TSPAN31: variants seen among roughly 807,000 people sequenced by gnomAD.
TSPAN31 encodes tetraspanin 31.
A neutral mutation model predicts 24.8 loss-of-function variants in TSPAN31; 16 were observed. That is an observed-to-expected ratio of 0.64 (90% CI 0.44 to 0.98). TSPAN31 has a LOEUF of 0.98. TSPAN31 is among the 50% of genes least tolerant of loss of function. TSPAN31 has a pLI of 0.00. For synonymous variants in TSPAN31, 87 were observed against 91.4 expected (o/e 0.95, Z 0.27); for missense variants, 209 against 251.6 (o/e 0.83, Z 1.15).
In TSPAN31 at chr12:57,747,472, A is replaced by G. The variant is rs1388943435; in HGVS notation, c.*182A>G. On this transcript the variant is annotated 3_prime_UTR_variant, in exon 6 of 6. Transcript: ENST00000257910. ...GACATATTTTAGTGGGAGCCAGACT[A>G]TAAGGAATAAAAGGAAAAACTTTCT... The G allele has an allele frequency of 5.1e-6, 3 of 590,716 alleles. No individual in the cohort carries two copies. Among genetic ancestry groups the G allele is most frequent in the African/African-American group, 1.9e-5 (1 of 53,842 alleles). 36.6% of individuals were successfully genotyped at this position (590,716 alleles called of 1,614,324 possible).
chr12:57,748,625 G>T lies in TSPAN31; in HGVS notation c.*1335G>T, dbSNP rs2140381332. The T allele has an allele frequency of 6.9e-6, 11 of 1,601,904 alleles. No homozygotes were observed. Among genetic ancestry groups the T allele is most frequent in the Non-Finnish European group, 9.4e-6 (11 of 1,168,972 alleles). ...GTTAAAAGTCAGCATTTCCTGAGGGGAGAGGCAAAGGTCAGAAAACCATGA... is the reference window on the plus strand; with the variant it reads ...GTTAAAAGTCAGCATTTCCTGAGGGTAGAGGCAAAGGTCAGAAAACCATGA... On this transcript the variant is annotated 3_prime_UTR_variant, in exon 6 of 6. Coordinates refer to ENST00000257910, the MANE Select transcript of TSPAN31 (RefSeq NM_005981.5).
Position 57,749,055 on chromosome 12 carries a change from G to A in TSPAN31, c.*1765G>A. 1 of 1,213,210 alleles carries A rather than the reference G, an allele frequency of 8.2e-7. No homozygotes were observed. The allele number at this position is 1,213,210 out of a possible 1,614,324, so 75.2% of individuals were successfully genotyped here. ...TCTCTGTGGGTGGCTATTTGCAGCT[G>A]TAATAAAAACTACAGCCCATCTACC... On this transcript the variant is annotated 3_prime_UTR_variant, in exon 6 of 6. Coordinates refer to ENST00000257910, the MANE Select transcript of TSPAN31 (RefSeq NM_005981.5).
At chr12:57,746,401 G>A (rs1352313906) in intron 3 of TSPAN31, 145 bp downstream of exon 3, 14 of 1,122,824 alleles carry the variant, frequency 1.2e-5, no homozygotes, top group Non-Finnish European at 1.9e-5. Flanking sequence ...GCTTCCTCTG[G>A]GATGTCTGGT....
Position 57,745,741 on chromosome 12 carries a change from G to A in TSPAN31, c.64-4G>A, listed in dbSNP as rs1282741793. 1.8e-5 allele frequency: 29 copies of A among 1,613,930 alleles called. No individual in the cohort carries two copies. The highest frequency in any genetic ancestry group is 1.7e-4 in the Middle Eastern group (1 of 6,048). Reference sequence around the variant, plus strand: ...TTGAGATGTATCCTGCTCTTTCTTCGTAGCTGGTGAGCTTGTTGCTCATTG... The same window carrying A: ...TTGAGATGTATCCTGCTCTTTCTTCATAGCTGGTGAGCTTGTTGCTCATTG... On this transcript the variant is annotated splice_region_variant and splice_polypyrimidine_tract_variant and intron_variant, in intron 1 of 5. Transcript: ENST00000257910.
chr12:57,745,212 T>C lies in TSPAN31; in HGVS notation c.58T>C (p.Tyr20His), dbSNP rs778756298. The C allele has an allele frequency of 1.6e-5, 25 of 1,609,886 alleles. 1 individual carries two copies. Among genetic ancestry groups the C allele is most frequent in the Non-Finnish European group, 1.6e-5 (19 of 1,178,152 alleles). The change falls in exon 1 of 6, where the codon TAC (tyrosine) becomes CAC (histidine). Residue 20 changes from tyrosine to histidine, a missense_variant. Coordinates refer to ENST00000257910, the MANE Select transcript of TSPAN31 (RefSeq NM_005981.5). ...TGCGCTTTGCGCTCTCAACGTGGTC[T>C]ACATGGTGAGGTTTTGGAGGTGGGG... ...KNALCALNVV[Y>H]MLVSLLLIGV...
Position 57,749,712 on chromosome 12 carries a change from A to G in TSPAN31, c.*2422A>G, listed in dbSNP as rs1955209990. 2 of 615,648 alleles carry G rather than the reference A, an allele frequency of 3.2e-6. No homozygotes were observed. The highest frequency in any genetic ancestry group is 3.9e-5 in the South Asian group (2 of 51,650). The allele number at this position is 615,648 out of a possible 1,614,324, so 38.1% of individuals were successfully genotyped here. A position where few individuals can be genotyped will look rare whatever the true frequency, so the allele number is the denominator to read the frequency against. Reference sequence around the variant, plus strand: ...ACCTTGTCTCTTTTTTTAAAAAAAAAGAAATGCCAGGTGCAGCGGCTCACG... The same window carrying G: ...ACCTTGTCTCTTTTTTTAAAAAAAAGGAAATGCCAGGTGCAGCGGCTCACG... On this transcript the variant is annotated 3_prime_UTR_variant, in exon 6 of 6. Coordinates refer to ENST00000257910, the MANE Select transcript of TSPAN31 (RefSeq NM_005981.5).
At chr12:57,746,844 G>T in intron 4 of TSPAN31, 124 bp downstream of exon 4, 1 of 1,475,956 alleles carries the variant, frequency 6.8e-7, no homozygotes, top group African/African-American at 1.4e-5. Context: ...CTTGTATTGG[G>T]GCTGTGTTGG....
chr12:57,746,356 C>CT, intron 3 of TSPAN31, 100 bp downstream of exon 3: 1 of 1,219,856 alleles, frequency 8.2e-7, no homozygotes, highest in South Asian at 1.2e-5. Context: ...AAAGATCATC[C>CT]TTAGGTGCAC....
chr12:57,748,279 C>T lies in TSPAN31; in HGVS notation c.*989C>T, dbSNP rs763088789. ...TTGTTTTTCCTGTATAAAAAAGGAC[C>T]CCAAATATAAAGGTAGGGAAAGGGA... On this transcript the variant is annotated 3_prime_UTR_variant, in exon 6 of 6. Coordinates refer to ENST00000257910, the MANE Select transcript of TSPAN31 (RefSeq NM_005981.5). 4.6e-6 allele frequency: 2 copies of T among 433,886 alleles called. No individual in the cohort carries two copies. Among genetic ancestry groups the T allele is most frequent in the East Asian group, 3.7e-5 (1 of 27,154 alleles). 26.9% of individuals were successfully genotyped at this position (433,886 alleles called of 1,614,324 possible). A position where few individuals can be genotyped will look rare whatever the true frequency, so the allele number is the denominator to read the frequency against.
At chr12:57,746,340 C>G in intron 3 of TSPAN31, 84 bp downstream of exon 3, 2 of 1,342,914 alleles carry the variant, frequency 1.5e-6, no homozygotes, top group Non-Finnish European at 2.1e-6. Flanking sequence ...CTGGCCCCAA[C>G]TACCCAAAGA....
chr12:57,749,466 C>T lies in TSPAN31; in HGVS notation c.*2176C>T, dbSNP rs1257383551. 1 of 1,614,132 alleles carries T rather than the reference C, an allele frequency of 6.2e-7. No homozygotes were observed. Among genetic ancestry groups the T allele is most frequent in the Non-Finnish European group, 8.5e-7 (1 of 1,179,988 alleles). The stretch of plus-strand genomic sequence containing the variant: ...GTTGGTCACTTACTCAAAGATTTTG[C>T]CCAACTGGTCGGCTTCAGAGTTTCC... On this transcript the variant is annotated 3_prime_UTR_variant, in exon 6 of 6. Coordinates refer to ENST00000257910, the MANE Select transcript of TSPAN31 (RefSeq NM_005981.5).
In TSPAN31 at chr12:57,749,794, C is replaced by T; in HGVS notation, c.*2504C>T. 1.7e-5 allele frequency: 8 copies of T among 469,530 alleles called. No individual in the cohort carries two copies. Among genetic ancestry groups the T allele is most frequent in the East Asian group, 8.0e-5 (2 of 25,090 alleles). 29.1% of individuals were successfully genotyped at this position (469,530 alleles called of 1,614,324 possible). On this transcript the variant is annotated 3_prime_UTR_variant, in exon 6 of 6. Coordinates refer to ENST00000257910, the MANE Select transcript of TSPAN31 (RefSeq NM_005981.5). Reference sequence around the variant, plus strand: ...TGGGTGGATCATGAGGTCAAGAGATCGAGACCATCCTGGCCAACATGGTGA... The same window carrying T: ...TGGGTGGATCATGAGGTCAAGAGATTGAGACCATCCTGGCCAACATGGTGA...
At chr12:57,746,878 C>A in intron 4 of TSPAN31, 140 bp from the exon 5 acceptor site, 2 of 1,337,684 alleles carry the variant, frequency 1.5e-6, no homozygotes, top group Non-Finnish European at 2.1e-6. Context: ...TGGATAGAGG[C>A]TGGGGAATTA....
intron 4 of TSPAN31, 123 bp from the exon 5 acceptor site, chr12:57,746,895 T>A: frequency 7.5e-7 from 1 of 1,337,770 alleles, no homozygotes; most frequent in Non-Finnish European, 1.0e-6. Context: ...ATTAGCCAAG[T>A]AGGATTTTAG....
chr12:57,749,708 A>G lies in TSPAN31; in HGVS notation c.*2418A>G, dbSNP rs1955209910. 1 of 624,268 alleles carries G rather than the reference A, an allele frequency of 1.6e-6. No homozygotes were observed. The allele number at this position is 624,268 out of a possible 1,614,324, so 38.7% of individuals were successfully genotyped here. On this transcript the variant is annotated 3_prime_UTR_variant, in exon 6 of 6. Transcript: ENST00000257910. ...CAAGACCTTGTCTCTTTTTTTAAAAAAAAAGAAATGCCAGGTGCAGCGGCT... is the reference window on the plus strand; with the variant it reads ...CAAGACCTTGTCTCTTTTTTTAAAAGAAAAGAAATGCCAGGTGCAGCGGCT...
Position 57,749,490 on chromosome 12 carries a change from C to T in TSPAN31, c.*2200C>T, listed in dbSNP as rs1955206366. 6.2e-7 allele frequency: 1 copy of T among 1,614,152 alleles called. No homozygotes were observed. Among genetic ancestry groups the T allele is most frequent in the Non-Finnish European group, 8.5e-7 (1 of 1,179,978 alleles). ...GCCCAACTGGTCGGCTTCAGAGTTT[C>T]CACAGAAGAGAGGCCTAAGGTGAGA... On this transcript the variant is annotated 3_prime_UTR_variant, in exon 6 of 6. Transcript: ENST00000257910.
Position 57,746,074 on chromosome 12 carries a change from T to A in TSPAN31, c.232-102T>A, listed in dbSNP as rs1179362412. Reference sequence around the variant, plus strand: ...AAGAGCTGATTTTATTGCTTTCAATTTGACATGGTGGTGTAAGTTCTATGA... The same window carrying A: ...AAGAGCTGATTTTATTGCTTTCAATATGACATGGTGGTGTAAGTTCTATGA... On this transcript the variant is annotated intron_variant, in intron 2 of 5. Transcript: ENST00000257910. 8 of 1,437,742 alleles carry A rather than the reference T, an allele frequency of 5.6e-6. No homozygotes were observed. The South Asian group carries it at 8.5e-5, about 15-fold the overall frequency. 89.1% of individuals were successfully genotyped at this position (1,437,742 alleles called of 1,614,324 possible). A position where few individuals can be genotyped will look rare whatever the true frequency, so the allele number is the denominator to read the frequency against.
At chr12:57,745,986 T>C (rs1955144012) in intron 2 of TSPAN31, 74 bp downstream of exon 2, 2 of 1,534,782 alleles carry the variant, frequency 1.3e-6, no homozygotes, top group African/African-American at 2.8e-5. Context: ...GTTAGAAGGG[T>C]AGGGGACCTC....
At position 57,748,177 on chromosome 12, in the gene TSPAN31, T is replaced by G; in HGVS notation, c.*887T>G. ...GGAAAGTCCCTTCTTCCAAGTGGTT[T>G]TTCCAAATCGCACAATGGCAAAGCC... On this transcript the variant is annotated 3_prime_UTR_variant, in exon 6 of 6. Transcript: ENST00000257910. 2.8e-6 allele frequency: 1 copy of G among 351,370 alleles called. No individual in the cohort carries two copies. The highest frequency in any genetic ancestry group is 3.7e-5 in the South Asian group (1 of 26,868). The allele number at this position is 351,370 out of a possible 1,614,324, so 21.8% of individuals were successfully genotyped here. A position where few individuals can be genotyped will look rare whatever the true frequency, so the allele number is the denominator to read the frequency against.
Sources: allele counts gnomAD v4.1 joint callset, GRCh38; gene constraint gnomAD v4.1.1; transcripts MANE v1.5; gene names NCBI Gene and HGNC (gene_info 2026-07-23, HGNC 2026-07-21).